LGR6: variants seen among roughly 807,000 people sequenced by gnomAD.
LGR6 encodes the protein leucine-rich repeat-containing G protein-coupled receptor 6.
In LGR6, 45 loss-of-function variants were observed where a neutral mutation model predicts 69.4. That is an observed-to-expected ratio of 0.65 (90% CI 0.51 to 0.83). The LOEUF is 0.83. Among genes scored for constraint, LGR6 ranks in the 40% least tolerant of loss-of-function variants. The pLI is 0.00. For missense variants in LGR6, 1,108 were observed against 1,246.7 expected, an observed-to-expected ratio of 0.89 and a Z score of 1.68; for synonymous variants, 538 against 555.0, an observed-to-expected ratio of 0.97 and a Z score of 0.43.
At chr1:202,237,853 G>C (rs1177021764) in intron 4 of LGR6, among the ~76,000 whole-genome samples, 4 of 152,136 alleles carry the variant, frequency 2.6e-5, no homozygotes, top group African/African-American at 9.7e-5. Flanking sequence ...TCCTGGCTCT[G>C]ATCGTGACTA....
chr1:202,204,581 AC>A (rs1659003826), intron 1 of LGR6, among the ~76,000 whole-genome samples: 1 of 143,758 alleles, frequency 7.0e-6, no homozygotes, highest in African/African-American at 2.7e-5. Context: ...CACCTAACAC[AC>A]ACCTCCTTCA....
chr1:202,225,344 A>AG lies in LGR6; in HGVS notation c.213-73dup, dbSNP rs368276554. ...CTGTGGGAGCCTCGGAGGTCCCTCG[A>AG]GGGGGGTTGGCACCTGGACAGTGCC... On this transcript the variant is annotated intron_variant, in intron 1 of 17. Coordinates refer to ENST00000367278, the MANE Select transcript of LGR6 (RefSeq NM_001017403.2). 5 of 1,340,378 alleles carry AG rather than the reference A, an allele frequency of 3.7e-6. No individual in the cohort carries two copies. In the South Asian group the frequency reaches 4.7e-5, roughly 13 times the overall value. 83.0% of individuals were successfully genotyped at this position (1,340,378 alleles called of 1,614,324 possible). A position where few individuals can be genotyped will look rare whatever the true frequency, so the allele number is the denominator to read the frequency against.
chr1:202,243,856 T>G (rs1399140931), intron 4 of LGR6, among the ~76,000 whole-genome samples: 1 of 152,160 alleles, frequency 6.6e-6, no homozygotes, highest in East Asian at 1.9e-4. Context: ...GAGGAAGACA[T>G]CATGGGGTTG....
chr1:202,265,454 A>G (rs993499165), intron 4 of LGR6, among the ~76,000 whole-genome samples: 1 of 152,218 alleles, frequency 6.6e-6, no homozygotes, highest in Non-Finnish European at 1.5e-5. Context: ...CTCAGAGACC[A>G]GGGTCTTCAT....
chr1:202,271,191 G>C (rs924939142), intron 4 of LGR6, among the ~76,000 whole-genome samples: 1 of 152,094 alleles, frequency 6.6e-6, no homozygotes, highest in Non-Finnish European at 1.5e-5. Context: ...CACCCTCTAC[G>C]GGGAGCTGCT....
chr1:202,273,904 C>T (rs1161505179), intron 4 of LGR6, among the ~76,000 whole-genome samples: 1 of 152,144 alleles, frequency 6.6e-6, no homozygotes, highest in Non-Finnish European at 1.5e-5. Flanking sequence ...AGAAGGCCAT[C>T]TCAAATGTGA....
In LGR6 at chr1:202,276,395, C is replaced by T. The variant is rs1191214344; in HGVS notation, c.518C>T (p.Ala173Val). ...CGCCACCTCTGGCTGGACGACAATG[C>T]ACTCACGGAGATCCCTGTCAGGGCC... ...SLRHLWLDDN[A>V]LTEIPVRALN... The change falls in exon 5 of 18, where the codon GCA becomes GTA. Residue 173 changes from alanine (A) to valine (V), a missense_variant. Physicochemically the swap from Ala to Val is moderately conservative, Grantham distance 64. Coordinates refer to ENST00000367278, the MANE Select transcript of LGR6 (RefSeq NM_001017403.2). The T allele has an allele frequency of 6.2e-7, 1 of 1,614,168 alleles. No homozygotes were observed. The highest frequency in any genetic ancestry group is 8.5e-7 in the Non-Finnish European group (1 of 1,180,008).
At chr1:202,277,422 G>T (rs1665660393) in intron 5 of LGR6, among the ~76,000 whole-genome samples, 1 of 151,790 alleles carries the variant, frequency 6.6e-6, no homozygotes, top group African/African-American at 2.4e-5. Flanking sequence ...TTCTGTCAGG[G>T]TGCCATACCC....
At chr1:202,217,896 A>ATG (rs1425365975) in intron 1 of LGR6, among the ~76,000 whole-genome samples, 2 of 152,148 alleles carry the variant, frequency 1.3e-5, no homozygotes, top group African/African-American at 2.4e-5. Context: ...TTGTGCTCTT[A>ATG]TGTGTGTGTG....
intron 1 of LGR6, among the ~76,000 whole-genome samples, chr1:202,207,245 C>T (rs1193952737): frequency 6.6e-6 from 1 of 152,114 alleles, no homozygotes; most frequent in Non-Finnish European, 1.5e-5. Flanking sequence ...GCCCTTTCTC[C>T]CCTTAACCTA....
chr1:202,264,600 G>T (rs964766650), intron 4 of LGR6, among the ~76,000 whole-genome samples: 1 of 152,172 alleles, frequency 6.6e-6, no homozygotes, highest in Non-Finnish European at 1.5e-5. Flanking sequence ...TGGATGAGAT[G>T]GCTTTTTGTA....
At chr1:202,301,684 T>G (rs1332100739) in intron 9 of LGR6, among the ~76,000 whole-genome samples, 1 of 152,126 alleles carries the variant, frequency 6.6e-6, no homozygotes, top group Admixed American at 6.5e-5. Context: ...TTCCCCTCTC[T>G]TATTCTCTAA....
chr1:202,283,519 C>T (rs1666168242), intron 6 of LGR6, among the ~76,000 whole-genome samples: 1 of 152,232 alleles, frequency 6.6e-6, no homozygotes, highest in African/African-American at 2.4e-5. Context: ...TTAGACTTCT[C>T]TCATCTCCGG....
chr1:202,234,903 G>C (rs1183334862), intron 3 of LGR6, among the ~76,000 whole-genome samples: 3 of 152,268 alleles, frequency 2.0e-5, no homozygotes, highest in African/African-American at 7.2e-5. Flanking sequence ...CTCACTCACT[G>C]TGCCCAGGGC....
rs1660688844 is a variant in LGR6 at position 202,227,925 on chromosome 1, C to G, written c.285-11C>G. ...CTGCCAACATCGCTGACCCTTGTCT[C>G]TGATTTCCAGGCGTCTCTCTGGGAA... On this transcript the variant is annotated splice_polypyrimidine_tract_variant and intron_variant, in intron 2 of 17. Coordinates refer to ENST00000367278, the MANE Select transcript of LGR6 (RefSeq NM_001017403.2). 6.2e-7 allele frequency: 1 copy of G among 1,610,984 alleles called. No individual in the cohort carries two copies. Among genetic ancestry groups the G allele is most frequent in the Non-Finnish European group, 8.5e-7 (1 of 1,177,112 alleles).
intron 4 of LGR6, among the ~76,000 whole-genome samples, chr1:202,242,719 A>AT (rs953935530): frequency 6.6e-6 from 1 of 152,128 alleles, no homozygotes; most frequent in Admixed American, 6.5e-5. Context: ...TGGCTGAACC[A>AT]TTTTGTCCAG....
intron 1 of LGR6, among the ~76,000 whole-genome samples, chr1:202,202,085 AG>A (rs1571803460): frequency 6.6e-6 from 1 of 152,156 alleles, no homozygotes; most frequent in African/African-American, 2.4e-5. Context: ...GGGAAGGCCC[AG>A]GGGAGAGAGA....
Position 202,319,115 on chromosome 1 carries a change from C to A in LGR6, c.2812C>A (p.Leu938Met), listed in dbSNP as rs1415224015. The A allele has an allele frequency of 6.2e-7, 1 of 1,614,140 alleles. No individual in the cohort carries two copies. The highest frequency in any genetic ancestry group is 1.3e-5 in the African/African-American group (1 of 74,954). Residue 938 changes from leucine to methionine, a missense_variant, in exon 18 of 18, where the codon CTG becomes ATG. Physicochemically the swap from Leu to Met is conservative, Grantham distance 15. Coordinates refer to ENST00000367278, the MANE Select transcript of LGR6 (RefSeq NM_001017403.2). ...PQPSMDGELL[L>M]RAEGSTPAGG... is the part of the protein sequence containing the mutation. Reference sequence around the variant, plus strand: ...ACCCTCCATGGATGGAGAACTGCTGCTGAGGGCAGAGGGATCTACGCCAGC... The same window carrying A: ...ACCCTCCATGGATGGAGAACTGCTGATGAGGGCAGAGGGATCTACGCCAGC...
chr1:202,255,254 C>T (rs925082876), intron 4 of LGR6, among the ~76,000 whole-genome samples: 13 of 152,248 alleles, frequency 8.5e-5, no homozygotes, highest in African/African-American at 2.9e-4. Context: ...CATAGTGGAC[C>T]CCAGAGCTTC....
Sources: gnomAD v4.1 joint callset for allele counts (sites outside exome capture counted in the v4.1 genomes callset) on GRCh38, gnomAD v4.1.1 for gene constraint, MANE v1.5 for transcripts, NCBI Gene and HGNC (gene_info 2026-07-23, HGNC 2026-07-21) for gene names.